Variants in HMOX1 observed in about 807,000 individuals in gnomAD.
HMOX1 encodes heme oxygenase 1.
HMOX1 carries 22 observed loss-of-function variants against 27.8 expected under a neutral mutation model. The observed-to-expected ratio is 0.79, with a 90% CI of 0.57 to 1.13. The LOEUF is 1.13. Ranked by LOEUF, HMOX1 falls within the 50% of genes most tolerant of loss-of-function variation. The pLI is 0.00. For missense variants in HMOX1, 379 were observed against 377.7 expected (o/e 1.00, Z -0.03); for synonymous variants, 153 against 151.6 (o/e 1.01, Z -0.07).
intron 1 of HMOX1, 72 bp from the exon 2 acceptor site, chr22:35,383,034 G>T: frequency 6.3e-7 from 1 of 1,597,132 alleles, no homozygotes; most frequent in Non-Finnish European, 8.6e-7. Context: ...GCCCACAGGT[G>T]GGAGGCTCAG....
intron 1 of HMOX1, among the ~76,000 whole-genome samples, chr22:35,382,205 G>A (rs535496555): frequency 2.8e-3 from 424 of 152,210 alleles, no homozygotes; most frequent in Non-Finnish European, 4.5e-3. Flanking sequence ...TCTCCACTGC[G>A]AACTACCTGT....
intron 3 of HMOX1, 88 bp downstream of exon 3, chr22:35,387,264 G>A (rs960310532): frequency 4.6e-6 from 7 of 1,526,162 alleles, no homozygotes; most frequent in African/African-American, 2.7e-5. Context: ...GGTGCTATAG[G>A]TCATGGTTAA....
intron 4 of HMOX1, among the ~76,000 whole-genome samples, chr22:35,392,950 T>C (rs1488240946): frequency 6.6e-6 from 1 of 152,130 alleles, no homozygotes. Context: ...ACTCCTGACC[T>C]CGTGATCCAC....
At chr22:35,386,092 A>AGCCCGC (rs1384715406) in intron 2 of HMOX1, among the ~76,000 whole-genome samples, 12 of 152,036 alleles carry the variant, frequency 7.9e-5, no homozygotes, top group Non-Finnish European at 1.6e-4. Context: ...AGTAGCTGGA[A>AGCCCGC]CTACAGGCGC....
chr22:35,381,411 C>T (rs932328499), intron 1 of HMOX1: 65 of 613,866 alleles, frequency 1.1e-4, no homozygotes, highest in Non-Finnish European at 1.7e-4. Flanking sequence ...CCCTGGTATG[C>T]GGTTGGTGAC....
intron 4 of HMOX1, among the ~76,000 whole-genome samples, chr22:35,392,558 C>A (rs781501500): frequency 1.3e-5 from 2 of 152,002 alleles, no homozygotes; most frequent in African/African-American, 2.4e-5. Context: ...TAGCCCAGGG[C>A]GGGGCTAGGA....
chr22:35,389,896 TGACACCAAGGACCAGAGCCCCTCACGG>T lies in HMOX1; in HGVS notation c.671_697del (p.Asp224_Arg232del). On this transcript the variant is annotated inframe_deletion, in exon 4 of 5. Coordinates refer to ENST00000216117, the MANE Select transcript of HMOX1 (RefSeq NM_002133.3). ...AGGAGTTGCAGGAGCTGCTGACCCA[TGACACCAAGGACCAGAGCCCCTCACGG>T]GCACCAGGGCTTCGCCAGCGGGCCA... 1.2e-6 allele frequency: 2 copies of T among 1,611,760 alleles called. No homozygotes were observed.
intron 3 of HMOX1, among the ~76,000 whole-genome samples, chr22:35,389,486 G>A (rs113611204): frequency 0.086 from 10,837 of 126,686 alleles, 1,523 homozygotes; most frequent in African/African-American, 0.27. Flanking sequence ...CCTGTCACCC[G>A]GGCTGGAGTG....
chr22:35,389,320 TTCTTTC>T (rs1416707291), intron 3 of HMOX1, among the ~76,000 whole-genome samples: 1 of 92,364 alleles, frequency 1.1e-5, no homozygotes, highest in East Asian at 3.1e-4. Flanking sequence ...TCTTTCTTTC[TTCTTTC>T]TTTCTTTCTT....
intron 4 of HMOX1, chr22:35,390,223 C>G (rs1181728324): frequency 2.0e-6 from 1 of 512,274 alleles, no homozygotes; most frequent in Admixed American, 3.1e-5. Flanking sequence ...ACCATGCCAG[C>G]CTGAATGTTT....
At chr22:35,387,462 G>A (rs935743377) in intron 3 of HMOX1, among the ~76,000 whole-genome samples, 2 of 152,224 alleles carry the variant, frequency 1.3e-5, no homozygotes, top group African/African-American at 2.4e-5. Context: ...TGGCACAGAG[G>A]AAGCCCTCAA....
chr22:35,383,006 G>A (rs886507880), intron 1 of HMOX1, 100 bp from the exon 2 acceptor site: 10 of 1,503,896 alleles, frequency 6.6e-6, no homozygotes, highest in African/African-American at 1.4e-5. Flanking sequence ...AATGAGGATG[G>A]GAGTCTCTTG....
In HMOX1 at chr22:35,386,677, G is replaced by A; in HGVS notation, c.145-8G>A. 1.2e-6 allele frequency: 2 copies of A among 1,614,038 alleles called. No homozygotes were observed. The highest frequency in any genetic ancestry group is 1.7e-6 in the Non-Finnish European group (2 of 1,179,992). ...GCTGGCGGCCTGACCTGCTCACTCT[G>A]CTTTCAGCTGGTGATGGCCTCCCTG... is the stretch of plus-strand genomic sequence containing the variant. On this transcript the variant is annotated splice_polypyrimidine_tract_variant and splice_region_variant and intron_variant, in intron 2 of 4. Coordinates refer to ENST00000216117, the MANE Select transcript of HMOX1 (RefSeq NM_002133.3).
rs373981865 is a variant in HMOX1, at chr22:35,385,284, C to A, written c.145-1401C>A. Among the ~76,000 whole-genome samples the A allele has an allele frequency of 1.4e-4, 22 of 152,200 alleles. 1 individual carries two copies. Among genetic ancestry groups the A allele is most frequent in the African/African-American group, 5.1e-4 (21 of 41,522 alleles). ...TTTAAGCACTTTCATTTCAGCTGTT[C>A]CCCTCTCCTGAGCCATGGTGGGTCC... On this transcript the variant is annotated intron_variant, in intron 2 of 4. Coordinates refer to ENST00000216117, the MANE Select transcript of HMOX1 (RefSeq NM_002133.3).
chr22:35,381,302 C>A, intron 1 of HMOX1, 106 bp downstream of exon 1: 2 of 1,363,314 alleles, frequency 1.5e-6, no homozygotes, highest in Non-Finnish European at 2.0e-6. Flanking sequence ...AGCCCAGGAG[C>A]CAGAAACTTG....
In HMOX1 at chr22:35,387,087, C is replaced by A. The variant is rs749644285; in HGVS notation, c.547C>A (p.Arg183Ser). 35 of 1,613,572 alleles carry A rather than the reference C, an allele frequency of 2.2e-5. No homozygotes were observed. In the South Asian group the frequency reaches 3.6e-4, roughly 17 times the overall value. ...TGCCACCAAGTTCAAGCAGCTCTACCGCTCCCGCATGAACTCCCTGGAGAT... is the reference window on the plus strand; with the variant it reads ...TGCCACCAAGTTCAAGCAGCTCTACAGCTCCCGCATGAACTCCCTGGAGAT... ...ASATKFKQLY[R>S]SRMNSLEMTP... is the part of the protein sequence containing the mutation. Residue 183 changes from arginine to serine, a missense_variant, in exon 3 of 5, where the codon CGC becomes AGC. Arg to Ser is a moderately radical substitution (Grantham distance 110). Transcript: ENST00000216117.
chr22:35,389,837 T>C (rs1931667579), intron 3 of HMOX1, 27 bp from the exon 4 acceptor site: 13 of 1,501,678 alleles, frequency 8.7e-6, no homozygotes, highest in South Asian at 1.2e-5. Flanking sequence ...CTCACTGAGA[T>C]AGGCATGTGT....
intron 1 of HMOX1, among the ~76,000 whole-genome samples, chr22:35,382,578 G>A (rs935185013): frequency 6.7e-6 from 1 of 149,896 alleles, no homozygotes; most frequent in Non-Finnish European, 1.5e-5. Flanking sequence ...GGCCAGGCTG[G>A]GCTCAAACTC....
intron 3 of HMOX1, among the ~76,000 whole-genome samples, chr22:35,389,425 T>TTTCTTTCTTTCC (rs1931648399): frequency 2.5e-5 from 2 of 81,360 alleles, no homozygotes; most frequent in Admixed American, 1.0e-4. Flanking sequence ...TCTTTCTTTC[T>TTTCTTTCTTTCC]TTCTATCTTT....
Sources: allele counts gnomAD v4.1 joint callset (sites outside exome capture counted in the v4.1 genomes callset), GRCh38; gene constraint gnomAD v4.1.1; transcripts MANE v1.5; gene names NCBI Gene and HGNC (gene_info 2026-07-23, HGNC 2026-07-21).